Variants in PWWP2B observed in about 807,000 individuals in gnomAD.
PWWP2B encodes the protein PWWP domain containing 2B, also known as PWWP domain-containing protein 2B.
A neutral mutation model predicts 15.5 loss-of-function variants in PWWP2B; 9 were observed. The observed-to-expected ratio is 0.58, with a 90% CI of 0.35 to 1.02. PWWP2B has a LOEUF of 1.02. PWWP2B is among the 50% of genes least tolerant of loss of function. The pLI is 0.02. For synonymous variants in PWWP2B, 474 were observed against 403.6 expected, an observed-to-expected ratio of 1.17 and a Z score of -2.09; for missense variants, 864 against 865.3, an observed-to-expected ratio of 1.00 and a Z score of 0.02.
chr10:132,413,765 A>T (rs1160315551), intron 2 of PWWP2B, among the ~76,000 whole-genome samples: 5 of 152,136 alleles, frequency 3.3e-5, no homozygotes, highest in Non-Finnish European at 2.9e-5. Flanking sequence ...GGACACACCC[A>T]ACTCCCTGGG....
intron 2 of PWWP2B, among the ~76,000 whole-genome samples, chr10:132,410,272 A>G (rs1386894035): frequency 1.3e-5 from 2 of 151,714 alleles, no homozygotes; most frequent in Non-Finnish European, 2.9e-5. Context: ...GGCTGGAGGC[A>G]TCTCAGGGGA....
chr10:132,405,185 G>T lies in PWWP2B; in HGVS notation c.685G>T (p.Ala229Ser), dbSNP rs1028118119. 1.3e-6 allele frequency: 2 copies of T among 1,564,888 alleles called. No individual in the cohort carries two copies. Among genetic ancestry groups the T allele is most frequent in the Non-Finnish European group, 8.6e-7 (1 of 1,156,076 alleles). Residue 229 changes from alanine to serine, a missense_variant, in exon 2 of 3, where the codon GCC (alanine) becomes TCC (serine). Ala to Ser is a moderately conservative substitution (Grantham distance 99, BLOSUM62 1). This residue lies in a region of PWWP2B where 736 missense variants were observed against 687.7 expected (regional missense o/e 1.07). Transcript: ENST00000305233. Reference sequence around the variant, plus strand: ...CGGCGAGCCCACGGCTGCGGCCACCGCCAGGAGGAGCAAGAGGGAGAGGCG... The same window carrying T: ...CGGCGAGCCCACGGCTGCGGCCACCTCCAGGAGGAGCAAGAGGGAGAGGCG... Reference protein sequence around the residue: ...ENGEPTAAATARRSKRERREE... With the variant: ...ENGEPTAAATSRRSKRERREE...
intron 1 of PWWP2B, 27 bp from the exon 2 acceptor site, chr10:132,404,599 C>T: frequency 6.3e-7 from 1 of 1,596,362 alleles, no homozygotes; most frequent in African/African-American, 1.3e-5. Context: ...TCCCTTCTCA[C>T]TGTGGTTTCT....
At chr10:132,409,678 C>G (rs12246301) in intron 2 of PWWP2B, among the ~76,000 whole-genome samples, 57,660 of 149,024 alleles carry the variant, frequency 0.39, 11,351 homozygotes, top group Non-Finnish European at 0.43. Flanking sequence ...GGGCCAAGCA[C>G]TCCACTGGGC....
chr10:132,400,911 G>GGCAT (rs2069606963), intron 1 of PWWP2B, among the ~76,000 whole-genome samples: 1 of 152,248 alleles, frequency 6.6e-6, no homozygotes, highest in Non-Finnish European at 1.5e-5. Context: ...CTGCCATGTG[G>GGCAT]GCATCTGCCA....
At chr10:132,410,216 C>T (rs1037122410) in intron 2 of PWWP2B, among the ~76,000 whole-genome samples, 54 of 152,052 alleles carry the variant, frequency 3.6e-4, no homozygotes, top group Non-Finnish European at 5.0e-4. Context: ...GTCTGTGCCC[C>T]GCATCCTCAG....
chr10:132,406,193 A>G lies in PWWP2B; in HGVS notation c.1693A>G (p.Lys565Glu). 1 of 1,613,328 alleles carries G rather than the reference A, an allele frequency of 6.2e-7. No homozygotes were observed. Among genetic ancestry groups the G allele is most frequent in the Non-Finnish European group, 8.5e-7 (1 of 1,180,004 alleles). ...TCGTAAGAAGAAGGGGATGTATCGG[A>G]AAGCTATAACCGAGGCTGCAAATGC... is the stretch of plus-strand genomic sequence containing the variant. ...FNRKKKGMYR[K>E]AITEAANAAR... The change falls in exon 2 of 3, where the codon AAA becomes GAA. Residue 565 changes from lysine to glutamate, a missense_variant. By Grantham distance (56) the Lys-to-Glu change is moderately conservative. Coordinates refer to ENST00000305233, the MANE Select transcript of PWWP2B (RefSeq NM_138499.4).
At position 132,404,084 on chromosome 10, in the gene PWWP2B, T is replaced by TCCTGCAGGACGGCATTCTG. The variant is rs1564873101; in HGVS notation, c.126-541_126-540insCTGCAGGACGGCATTCTGC. On this transcript the variant is annotated intron_variant, in intron 1 of 2. Coordinates refer to ENST00000305233, the MANE Select transcript of PWWP2B (RefSeq NM_138499.4). ...CAGGGCTCCTGCAGGACGGCATTCTTCTGGGCTCCTGCAGGGAGCTTTCTC... is the reference window on the plus strand; with the variant it reads ...CAGGGCTCCTGCAGGACGGCATTCTTCCTGCAGGACGGCATTCTGCTGGGCTCCTGCAGGGAGCTTTCTC... 7.7e-4 allele frequency among the ~76,000 whole-genome samples: 73 copies of TCCTGCAGGACGGCATTCTG among 94,936 alleles called. 1 individual carries two copies. Among genetic ancestry groups the TCCTGCAGGACGGCATTCTG allele is most frequent in the African/African-American group, 2.8e-3 (65 of 23,188 alleles). 62.3% of individuals were successfully genotyped at this position (94,936 alleles called of 152,430 possible).
intron 2 of PWWP2B, among the ~76,000 whole-genome samples, chr10:132,408,055 C>T (rs896260033): frequency 1.3e-5 from 2 of 152,174 alleles, no homozygotes; most frequent in African/African-American, 4.8e-5. Context: ...TGTGTTTATC[C>T]GGAAGTGGAG....
intron 2 of PWWP2B, among the ~76,000 whole-genome samples, chr10:132,411,705 G>A (rs61865569): frequency 0.042 from 6,376 of 152,336 alleles, 179 homozygotes; most frequent in Admixed American, 0.1. Context: ...GTGCTGAGTC[G>A]GCAGGAGCCG....
At chr10:132,397,608 G>C (rs1055297850) in intron 1 of PWWP2B, among the ~76,000 whole-genome samples, 12 of 152,134 alleles carry the variant, frequency 7.9e-5, no homozygotes, top group Admixed American at 5.9e-4. Flanking sequence ...CGCGGGGCCG[G>C]GGTCCCGGAA....
In PWWP2B at chr10:132,405,360, A is replaced by C. The variant is rs142351748; in HGVS notation, c.860A>C (p.Gln287Pro). ...CCCTTCCGTCCCCAGCAGGCCCCGC[A>C]GGACGACGGCAGCCAGGACCCCGAG... is the stretch of plus-strand genomic sequence containing the variant. The part of the protein sequence containing the change: ...LEPFRPQQAP[Q>P]DDGSQDPEVL... The change falls in exon 2 of 3, where the codon CAG becomes CCG. Residue 287 changes from glutamine (Q) to proline (P), a missense_variant. Gln to Pro is a moderately conservative substitution (Grantham distance 76). Coordinates refer to ENST00000305233, the MANE Select transcript of PWWP2B (RefSeq NM_138499.4). 1.2e-6 allele frequency: 2 copies of C among 1,611,260 alleles called. No individual in the cohort carries two copies. The highest frequency in any genetic ancestry group is 2.7e-5 in the African/African-American group (2 of 75,034).
chr10:132,415,173 A>C (rs2069828532), intron 2 of PWWP2B, among the ~76,000 whole-genome samples: 1 of 152,034 alleles, frequency 6.6e-6, no homozygotes, highest in South Asian at 2.1e-4. Context: ...GAAGAGGCTG[A>C]GATCTCTCCT....
intron 2 of PWWP2B, among the ~76,000 whole-genome samples, chr10:132,410,434 G>C (rs907392731): frequency 6.6e-6 from 1 of 152,228 alleles, no homozygotes; most frequent in Non-Finnish European, 1.5e-5. Context: ...GAGATGACAG[G>C]TGACTGGATG....
chr10:132,400,464 G>C (rs1328785080), intron 1 of PWWP2B, among the ~76,000 whole-genome samples: 1 of 152,152 alleles, frequency 6.6e-6, no homozygotes, highest in Non-Finnish European at 1.5e-5. Flanking sequence ...GCTCTCCCCT[G>C]GAGATCCTGG....
chr10:132,413,471 T>A (rs2069807956), intron 2 of PWWP2B, among the ~76,000 whole-genome samples: 1 of 152,178 alleles, frequency 6.6e-6, no homozygotes, highest in South Asian at 2.1e-4. Context: ...CTTTGGGGTA[T>A]GTGTCACATC....
chr10:132,402,086 G>A (rs2069622449), intron 1 of PWWP2B, among the ~76,000 whole-genome samples: 1 of 152,248 alleles, frequency 6.6e-6, no homozygotes, highest in South Asian at 2.1e-4. Context: ...ACTGATGCAG[G>A]TGTGACTCAG....
chr10:132,399,099 C>T (rs2069579919), intron 1 of PWWP2B, among the ~76,000 whole-genome samples: 1 of 151,054 alleles, frequency 6.6e-6, no homozygotes, highest in African/African-American at 2.4e-5. Flanking sequence ...GTTCTCTGCC[C>T]TTGTATTCCG....
At position 132,406,289 on chromosome 10, in the gene PWWP2B, G is replaced by A. The variant is rs1590761455; in HGVS notation, c.*16G>A. 4.4e-6 allele frequency: 7 copies of A among 1,597,306 alleles called. No individual in the cohort carries two copies. Among genetic ancestry groups the A allele is most frequent in the Non-Finnish European group, 4.3e-6 (5 of 1,169,784 alleles). ...TGAAACGTAACTGGTTCCCTGACCA[G>A]GTGAGTGTGCCAGCGGCAGCCTCCT... On this transcript the variant is annotated splice_region_variant and 3_prime_UTR_variant, in exon 2 of 3. Transcript: ENST00000305233.
Sources: allele counts gnomAD v4.1 joint callset (sites outside exome capture counted in the v4.1 genomes callset), GRCh38; gene constraint gnomAD v4.1.1; regional missense constraint gnomAD v4.1.1; transcripts MANE v1.5; gene names NCBI Gene and HGNC (gene_info 2026-07-23, HGNC 2026-07-21).